The following SETX variants were observed in gnomAD, a reference collection of about 807,000 sequenced individuals.
The protein encoded by SETX is senataxin, also known as helicase senataxin.
A neutral mutation model predicts 227.2 loss-of-function variants in SETX; 90 were observed. The ratio of observed to expected loss-of-function variants is 0.40; its 90% CI spans 0.33 to 0.47. The LOEUF is 0.47. SETX is among the 20% of genes least tolerant of loss of function. SETX has a pLI of 0.91. For missense variants in SETX, 3,052 were observed against 3,181.5 expected (o/e 0.96, Z 0.98); for synonymous variants, 1,210 against 1,113.2 (o/e 1.09, Z -1.73).
At chr9:132,333,231 T>G (rs533845787) in intron 7 of SETX, among the ~76,000 whole-genome samples, 98 of 150,622 alleles carry the variant, frequency 6.5e-4, no homozygotes, top group Non-Finnish European at 1.2e-3. Flanking sequence ...ATACAAAAAT[T>G]AGCCAGGTAT....
At chr9:132,300,946 T>A in intron 11 of SETX, 143 bp from the exon 12 acceptor site, 1 of 647,020 alleles carries the variant, frequency 1.5e-6, no homozygotes. Flanking sequence ...AAAATGGTAA[T>A]CTAATCCAAT....
intron 11 of SETX, among the ~76,000 whole-genome samples, chr9:132,309,226 A>C (rs1845505219): frequency 1.3e-5 from 2 of 152,314 alleles, no homozygotes; most frequent in African/African-American, 4.8e-5. Context: ...TAAGTAAACA[A>C]TGTGATATGA....
chr9:132,327,621 G>C lies in SETX; in HGVS notation c.3977C>G (p.Thr1326Ser), dbSNP rs1846912141. The C allele has an allele frequency of 1.2e-6, 2 of 1,613,832 alleles. No homozygotes were observed. Among genetic ancestry groups the C allele is most frequent in the Admixed American group, 1.7e-5 (1 of 59,948 alleles). Residue 1326 changes from threonine to serine, a missense_variant, in exon 10 of 26, where the codon ACT (threonine) becomes AGT (serine). Thr to Ser is a moderately conservative substitution (Grantham distance 58, BLOSUM62 1). This residue lies in a region of SETX where 1,483 missense variants were observed against 1,312.0 expected (regional missense o/e 1.13). Coordinates refer to ENST00000224140, the MANE Select transcript of SETX (RefSeq NM_015046.7). ...TVGVVDTRKKTKLISPQNLSV... is the reference protein window; with the variant it reads ...TVGVVDTRKKSKLISPQNLSV... ...CAGGTTCTGAGGAGAAATTAATTTAGTCTTTTTTCGGGTATCAACTACTCC... is the reference window on the plus strand; with the variant it reads ...CAGGTTCTGAGGAGAAATTAATTTACTCTTTTTTCGGGTATCAACTACTCC...
In SETX at chr9:132,274,692, C is replaced by T. The variant is rs543359728; in HGVS notation, c.7100+564G>A. ...ACCTCCTGACCTCAGGTGATCTGCCCGCCTCAGCCTCCCAAAGTGCTGGGA... is the reference window on the plus strand; with the variant it reads ...ACCTCCTGACCTCAGGTGATCTGCCTGCCTCAGCCTCCCAAAGTGCTGGGA... On this transcript the variant is annotated intron_variant, in intron 23 of 25. Coordinates refer to ENST00000224140, the MANE Select transcript of SETX (RefSeq NM_015046.7). Among the ~76,000 whole-genome samples the T allele has an allele frequency of 5.3e-5, 8 of 152,076 alleles. 1 individual carries two copies. The South Asian group carries it at 6.2e-4, about 12-fold the overall frequency.
chr9:132,327,803 A>T lies in SETX; in HGVS notation c.3795T>A (p.Thr1265=), dbSNP rs757389485. 6 of 1,614,030 alleles carry T rather than the reference A, an allele frequency of 3.7e-6. No individual in the cohort carries two copies. Among genetic ancestry groups the T allele is most frequent in the East Asian group, 2.2e-5 (1 of 44,890 alleles). ...ATTTCTTTGGCGGCACTATAGCAGGAGTTGTTCTACAACTTAGGTAATTTG... is the reference window on the plus strand; with the variant it reads ...ATTTCTTTGGCGGCACTATAGCAGGTGTTGTTCTACAACTTAGGTAATTTG... ...RSSNYLSCRT[T]PAIVPPKKFR... Residue 1265 remains threonine, a synonymous_variant, in exon 10 of 26, where the codon ACT becomes ACA. Coordinates refer to ENST00000224140, the MANE Select transcript of SETX (RefSeq NM_015046.7).
At chr9:132,341,757 C>T (rs1026349502) in intron 5 of SETX, among the ~76,000 whole-genome samples, 1 of 152,166 alleles carries the variant, frequency 6.6e-6, no homozygotes, top group African/African-American at 2.4e-5. Context: ...CAGAGTTTGG[C>T]TTTGGTTCTT....
chr9:132,356,609 G>A (rs1488445214), upstream of SETX, among the ~76,000 whole-genome samples: 1 of 152,176 alleles, frequency 6.6e-6, no homozygotes, highest in Non-Finnish European at 1.5e-5. Context: ...TGGTGACTCA[G>A]GCGATAAAAA....
intron 20 of SETX, among the ~76,000 whole-genome samples, chr9:132,278,921 A>G (rs1231810585): frequency 6.6e-6 from 1 of 152,222 alleles, no homozygotes; most frequent in Non-Finnish European, 1.5e-5. Context: ...ACTAGAGTGA[A>G]TAAGATGAAG....
At chr9:132,326,280 A>C (rs776927219) in intron 10 of SETX, 44 bp downstream of exon 10, 1 of 1,412,914 alleles carries the variant, frequency 7.1e-7, no homozygotes, top group Admixed American at 1.7e-5. Flanking sequence ...TAAAGAGGTA[A>C]CTTGAAAAGT....
In SETX at chr9:132,329,282, A is replaced by G; in HGVS notation, c.2316T>C (p.Leu772=). The G allele has an allele frequency of 6.2e-7, 1 of 1,613,876 alleles. No homozygotes were observed. Among genetic ancestry groups the G allele is most frequent in the Middle Eastern group, 1.7e-4 (1 of 6,058 alleles). Residue 772 remains leucine (L), a synonymous_variant, in exon 10 of 26, where the codon CTT becomes CTC. Transcript: ENST00000224140. ...TAGTTTTTCGTTTTGAGGTTTTAGC[A>G]AGAGCATCATCCTTTAAAGAGAAAT... ...NEDFSLKDDA[L]AKTSKRKTKV...
intron 6 of SETX, among the ~76,000 whole-genome samples, chr9:132,335,295 G>A (rs532176610): frequency 6.7e-6 from 1 of 148,320 alleles, no homozygotes; most frequent in East Asian, 2.0e-4. Context: ...GGAGGCTGAG[G>A]CAGGAGAATG....
At chr9:132,315,256 G>C (rs1007300180) in intron 10 of SETX, among the ~76,000 whole-genome samples, 1 of 152,118 alleles carries the variant, frequency 6.6e-6, no homozygotes, top group Non-Finnish European at 1.5e-5. Flanking sequence ...TTTCACTGGG[G>C]AAAAGAAGTT....
At chr9:132,331,029 T>A in intron 9 of SETX, 23 bp downstream of exon 9, 1 of 1,536,124 alleles carries the variant, frequency 6.5e-7, no homozygotes, top group Non-Finnish European at 9.0e-7. Context: ...AAATAGCATC[T>A]GAATTTTCAA....
rs764676457 is a variant in SETX at position 132,329,401 on chromosome 9, C to G, written c.2197G>C (p.Glu733Gln). The part of the protein sequence containing the change: ...PKDCTSRNGP[E>Q]RGCDRGIIVS... ...ATTATTCCTCTGTCACATCCCCTTT[C>G]TGGACCATTTCTTGAAGTACAGTCC... Residue 733 changes from glutamate (E) to glutamine (Q), a missense_variant, in exon 10 of 26, where the codon GAA becomes CAA. Glu to Gln is a conservative substitution (Grantham distance 29). Transcript: ENST00000224140. 6.2e-7 allele frequency: 1 copy of G among 1,613,904 alleles called. No homozygotes were observed. The highest frequency in any genetic ancestry group is 1.1e-5 in the South Asian group (1 of 91,076).
chr9:132,306,624 C>A (rs1845350279), intron 11 of SETX, among the ~76,000 whole-genome samples: 1 of 152,108 alleles, frequency 6.6e-6, no homozygotes, highest in Non-Finnish European at 1.5e-5. Flanking sequence ...CTTTTTAAGG[C>A]TTGCTTTTTA....
intron 25 of SETX, among the ~76,000 whole-genome samples, chr9:132,265,224 GTTTTTTT>G (rs397741391): frequency 9.4e-6 from 1 of 106,424 alleles, no homozygotes; most frequent in Non-Finnish European, 1.8e-5. Flanking sequence ...TTCAACTTTT[GTTTTTTT>G]TTTTTTTTTT....
Position 132,346,224 on chromosome 9 carries a change from A to T in SETX, c.388+37T>A, listed in dbSNP as rs147583633. 16 of 1,519,500 alleles carry T rather than the reference A, an allele frequency of 1.1e-5. No individual in the cohort carries two copies. The African/African-American group carries it at 2.1e-4, about 20-fold the overall frequency. The allele number at this position is 1,519,500 out of a possible 1,614,324, so 94.1% of individuals were successfully genotyped here. ...AAATTCTTATGGTACTAAAATAATA[A>T]AACTGATATAACTTGAGGAACCATC... On this transcript the variant is annotated intron_variant, in intron 4 of 25. Coordinates refer to ENST00000224140, the MANE Select transcript of SETX (RefSeq NM_015046.7).
intron 18 of SETX, among the ~76,000 whole-genome samples, chr9:132,284,643 C>G (rs753711536): frequency 2.9e-4 from 44 of 152,196 alleles, no homozygotes; most frequent in Non-Finnish European, 5.1e-4. Context: ...CAAAATGTTA[C>G]AGGAGTCTTA....
At position 132,335,117 on chromosome 9, in the gene SETX, G is replaced by A. The variant is rs187403596; in HGVS notation, c.719-390C>T. Reference sequence around the variant, plus strand: ...GTATAGAAGTATTTTGAGGCCGGGCGTGGTGGCTCACACCTGTAATCCCAG... The same window carrying A: ...GTATAGAAGTATTTTGAGGCCGGGCATGGTGGCTCACACCTGTAATCCCAG... On this transcript the variant is annotated intron_variant, in intron 6 of 25. Coordinates refer to ENST00000224140, the MANE Select transcript of SETX (RefSeq NM_015046.7). 3.3e-3 allele frequency among the ~76,000 whole-genome samples: 499 copies of A among 152,108 alleles called. 2 individuals are homozygous for A. The highest frequency in any genetic ancestry group is 6.8e-3 in the Middle Eastern group (2 of 294).
Sources: allele counts gnomAD v4.1 joint callset (sites outside exome capture counted in the v4.1 genomes callset), GRCh38; gene constraint gnomAD v4.1.1; regional missense constraint gnomAD v4.1.1; transcripts MANE v1.5; gene names NCBI Gene and HGNC (gene_info 2026-07-23, HGNC 2026-07-21).